Variants in SYN3 observed in about 807,000 individuals in gnomAD.
SYN3 encodes synapsin III, also known as synapsin-3.
Under a neutral mutation model 65.8 loss-of-function variants are expected in SYN3, and 35 were observed. The observed-to-expected ratio is 0.53, with a 90% CI of 0.41 to 0.70. The LOEUF (loss-of-function observed/expected upper bound fraction) is 0.70. Ranked by LOEUF, SYN3 falls within the 30% of genes least tolerant of loss-of-function variation. The probability of loss-of-function intolerance (pLI) is 0.00; values close to 1 mark genes in which losing one functional copy is unlikely to be tolerated. For synonymous variants in SYN3, 270 were observed against 292.9 expected, an observed-to-expected ratio of 0.92 and a Z score of 0.80; for missense variants, 680 against 749.0, an observed-to-expected ratio of 0.91 and a Z score of 1.08.
At chr22:32,518,448 G>A in intron 12 of SYN3, 114 bp from the exon 13 acceptor site, 1 of 1,261,778 alleles carries the variant, frequency 7.9e-7, no homozygotes, top group Non-Finnish European at 1.1e-6. Context: ...TTATAATGGT[G>A]AAAAACTGAA....
intron 7 of SYN3, among the ~76,000 whole-genome samples, chr22:32,566,581 A>G (rs1156575925): frequency 1.3e-5 from 2 of 152,204 alleles, no homozygotes; most frequent in African/African-American, 2.4e-5. Flanking sequence ...GAGAGCAAGC[A>G]AAACAAGGGG....
chr22:32,637,871 T>C (rs2059840755), intron 6 of SYN3, among the ~76,000 whole-genome samples: 1 of 152,134 alleles, frequency 6.6e-6, no homozygotes, highest in Admixed American at 6.5e-5. Flanking sequence ...ACTCCCAACC[T>C]CAAATGATCC....
rs563563848 is a variant in SYN3 at position 32,571,534 on chromosome 22, G to A, written c.774+25140C>T. 7.9e-5 allele frequency among the ~76,000 whole-genome samples: 12 copies of A among 152,278 alleles called. No homozygotes were observed. In the East Asian group the frequency reaches 1.9e-3, roughly 24 times the overall value. On this transcript the variant is annotated intron_variant, in intron 7 of 13. Coordinates refer to ENST00000358763, the MANE Select transcript of SYN3 (RefSeq NM_003490.4). ...GCCTAAGCTATTAATGGGTTATAGT[G>A]GATAAATATGTAACAAGCAACCTCC...
intron 6 of SYN3, among the ~76,000 whole-genome samples, chr22:32,813,302 G>A (rs966262449): frequency 6.6e-6 from 1 of 152,148 alleles, no homozygotes; most frequent in Non-Finnish European, 1.5e-5. Flanking sequence ...CTTTGGCTTT[G>A]GAGTTGGGGA....
chr22:32,923,564 C>A (rs2050390518), intron 4 of SYN3, among the ~76,000 whole-genome samples: 1 of 152,236 alleles, frequency 6.6e-6, no homozygotes. Flanking sequence ...ACAACGTCTA[C>A]ATGTCTTTGA....
chr22:32,769,286 C>T (rs1399912917), intron 6 of SYN3, among the ~76,000 whole-genome samples: 3 of 152,136 alleles, frequency 2.0e-5, no homozygotes, highest in African/African-American at 7.2e-5. Context: ...CCCATCCCTC[C>T]ACCTGCTATG....
intron 6 of SYN3, among the ~76,000 whole-genome samples, chr22:32,705,201 G>A (rs895685113): frequency 2.0e-5 from 3 of 152,176 alleles, no homozygotes; most frequent in Admixed American, 2.0e-4. Flanking sequence ...TACATTTTAA[G>A]TCTTTTATCC....
intron 6 of SYN3, among the ~76,000 whole-genome samples, chr22:32,729,890 T>C (rs187718250): frequency 1.8e-3 from 271 of 152,308 alleles, no homozygotes; most frequent in African/African-American, 6.0e-3. Context: ...ATACGAGTGA[T>C]AAAACTACCC....
At chr22:33,040,819 G>C (rs895839087) in intron 1 of SYN3, among the ~76,000 whole-genome samples, 23 of 152,208 alleles carry the variant, frequency 1.5e-4, no homozygotes, top group African/African-American at 4.8e-4. Context: ...GTGTTTGCTT[G>C]CCCTTCCACC....
chr22:32,651,559 C>T (rs201838962), intron 6 of SYN3, among the ~76,000 whole-genome samples: 2 of 124,724 alleles, frequency 1.6e-5, no homozygotes, highest in African/African-American at 5.6e-5. Flanking sequence ...GCCTTGGATG[C>T]ATGCTTGAAT....
intron 6 of SYN3, among the ~76,000 whole-genome samples, chr22:32,608,706 A>C (rs2059401173): frequency 2.6e-5 from 4 of 152,192 alleles, no homozygotes; most frequent in Admixed American, 2.6e-4. Context: ...ATCAGTTCCT[A>C]TGGGGATATC....
At chr22:32,513,869 T>G (rs749602558) in intron 13 of SYN3, 45 bp from the exon 14 acceptor site, 2 of 1,610,774 alleles carry the variant, frequency 1.2e-6, no homozygotes, top group East Asian at 4.5e-5. Flanking sequence ...AGGCGAAGAC[T>G]ATCAAAGAAA....
intron 6 of SYN3, among the ~76,000 whole-genome samples, chr22:32,721,188 A>T (rs2061112615): frequency 6.6e-6 from 1 of 151,830 alleles, no homozygotes; most frequent in Non-Finnish European, 1.5e-5. Flanking sequence ...GGCTCCTTTT[A>T]TCTCCTGGGT....
chr22:33,030,932 G>A (rs540428176), intron 1 of SYN3, among the ~76,000 whole-genome samples: 2 of 152,146 alleles, frequency 1.3e-5, no homozygotes, highest in Admixed American at 6.5e-5. Context: ...GATATATAGA[G>A]ATACAGAGAC....
At chr22:32,623,901 C>T (rs190987897) in intron 6 of SYN3, among the ~76,000 whole-genome samples, 11 of 152,282 alleles carry the variant, frequency 7.2e-5, no homozygotes, top group Admixed American at 1.3e-4. Flanking sequence ...TGACGGGAAT[C>T]GAGGACACCA....
At chr22:32,900,846 C>T (rs1286260016) in intron 4 of SYN3, among the ~76,000 whole-genome samples, 1 of 152,220 alleles carries the variant, frequency 6.6e-6, no homozygotes, top group African/African-American at 2.4e-5. Flanking sequence ...TACTTTCCTA[C>T]TTATATTCTA....
intron 6 of SYN3, among the ~76,000 whole-genome samples, chr22:32,797,956 GTGCACAGCTATTC>G (rs2046469343): frequency 6.6e-6 from 1 of 152,200 alleles, no homozygotes; most frequent in Non-Finnish European, 1.5e-5. Flanking sequence ...ACCAAGGCAG[GTGCACAGCTATTC>G]TGCAACATTG....
At chr22:32,948,917 C>T (rs911438194) in intron 3 of SYN3, among the ~76,000 whole-genome samples, 5 of 150,018 alleles carry the variant, frequency 3.3e-5, no homozygotes, top group Non-Finnish European at 1.5e-5. Flanking sequence ...CTCTGACATT[C>T]TCCTAGGTCA....
chr22:32,525,024 AT>A (rs1048661519), intron 12 of SYN3, among the ~76,000 whole-genome samples: 2 of 152,050 alleles, frequency 1.3e-5, no homozygotes, highest in African/African-American at 4.8e-5. Flanking sequence ...CAAAAAAAAA[AT>A]TTTTTTCATA....
Sources: gnomAD v4.1 joint callset for allele counts (sites outside exome capture counted in the v4.1 genomes callset) on GRCh38, gnomAD v4.1.1 for gene constraint, MANE v1.5 for transcripts, NCBI Gene and HGNC (gene_info 2026-07-23, HGNC 2026-07-21) for gene names.